MVB12A: variants seen among roughly 807,000 people sequenced by gnomAD.
MVB12A encodes the protein CIN85/CD2AP family binding protein.
Under a neutral mutation model 34.3 loss-of-function variants are expected in MVB12A, and 30 were observed. The observed-to-expected ratio is 0.88, with a 90% confidence interval of 0.65 to 1.19. The LOEUF is 1.19. Ranked by LOEUF, MVB12A falls within the 50% of genes most tolerant of loss-of-function variation. The pLI is 0.00. For synonymous variants in MVB12A, 158 were observed against 158.9 expected, an observed-to-expected ratio of 0.99 and a Z score of 0.04; for missense variants, 355 against 369.2, an observed-to-expected ratio of 0.96 and a Z score of 0.31.
upstream of MVB12A, among the ~76,000 whole-genome samples, chr19:17,416,021 GGGT>G (rs2074797620): frequency 6.6e-6 from 1 of 152,160 alleles, no homozygotes; most frequent in African/African-American, 2.4e-5. Flanking sequence ...CTGGGCTACT[GGGT>G]CGAGCTAACT....
upstream of MVB12A, among the ~76,000 whole-genome samples, chr19:17,416,412 CTT>C (rs555309319): frequency 2.0e-4 from 26 of 129,502 alleles, no homozygotes; most frequent in Middle Eastern, 4.7e-3. Context: ...GCCCAGCCTG[CTT>C]TTTTTTTTTT....
At chr19:17,411,905 G>A (rs112776287) in intron 2 of MVB12A, among the ~76,000 whole-genome samples, 9 of 152,352 alleles carry the variant, frequency 5.9e-5, no homozygotes, top group African/African-American at 1.9e-4. Context: ...CTGAGATGTG[G>A]CCCCGGATGG....
At chr19:17,423,956 G>T (rs1336166135) in intron 6 of MVB12A, 50 bp from the exon 7 acceptor site, 1 of 1,603,296 alleles carries the variant, frequency 6.2e-7, no homozygotes. Context: ...CTGTGGGTGG[G>T]GTGGGCAGTT....
intron 4 of MVB12A, 81 bp from the exon 5 acceptor site, chr19:17,423,417 T>TC: frequency 6.8e-7 from 1 of 1,468,924 alleles, no homozygotes; most frequent in Non-Finnish European, 9.1e-7. Flanking sequence ...CATGCCCGGG[T>TC]CCCCCGCCTT....
At chr19:17,406,569 T>C (rs767084458) in intron 2 of MVB12A, among the ~76,000 whole-genome samples, 1 of 151,712 alleles carries the variant, frequency 6.6e-6, no homozygotes, top group Non-Finnish European at 1.5e-5. Flanking sequence ...CGAGGTCAAG[T>C]CCAGAGCCCA....
chr19:17,420,667 G>C (rs1427585415), intron 3 of MVB12A, 33 bp downstream of exon 3: 2 of 1,514,190 alleles, frequency 1.3e-6, no homozygotes, highest in Non-Finnish European at 1.8e-6. Flanking sequence ...GAGTTGTCCG[G>C]GTCCCTTGCA....
At chr19:17,419,789 A>C, upstream of MVB12A, 2 of 175,204 alleles carry the variant, frequency 1.1e-5, no homozygotes, top group African/African-American at 2.4e-5. Flanking sequence ...GCCGGAAGGA[A>C]TTCTGGGGAA....
chr19:17,423,597 G>A lies in MVB12A; in HGVS notation c.513G>A (p.Leu171=), dbSNP rs750147079. ...GCCGGGACATGCAGGGCCTCTCTCT[G>A]GATGCAGCCAGCCAGCCAAGGTGAG... ...GLSRDMQGLS[L]DAASQPSKGG... is the part of the protein sequence containing the mutation. Residue 171 remains leucine (L), a synonymous_variant, in exon 5 of 9, where the codon CTG becomes CTA. Transcript: ENST00000317040. 1.2e-6 allele frequency: 2 copies of A among 1,614,020 alleles called. No homozygotes were observed. The highest frequency in any genetic ancestry group is 8.5e-7 in the Non-Finnish European group (1 of 1,180,036).
At chr19:17,414,986 C>T (rs192943889) in intron 2 of MVB12A, 2 of 152,338 alleles carry the variant, frequency 1.3e-5, no homozygotes, top group Admixed American at 1.3e-4. Flanking sequence ...TCCAGGAGTT[C>T]GAGACCAGCC....
chr19:17,423,748 C>T lies in MVB12A; in HGVS notation c.589C>T (p.Leu197=). 1 of 1,614,008 alleles carries T rather than the reference C, an allele frequency of 6.2e-7. No homozygotes were observed. The highest frequency in any genetic ancestry group is 1.7e-5 in the Admixed American group (1 of 60,022). ...ASRLGSRAST[L]RRNDSIYEAS... is the part of the protein sequence containing the mutation. ...AAGGCTGGGCTCTCGGGCATCCACTCTGCGGAGGAATGACTCCATCTACGA... is the reference window on the plus strand; with the variant it reads ...AAGGCTGGGCTCTCGGGCATCCACTTTGCGGAGGAATGACTCCATCTACGA... The change falls in exon 6 of 9, where the codon CTG becomes TTG. Residue 197 remains leucine (L), a synonymous_variant. Coordinates refer to ENST00000317040, the MANE Select transcript of MVB12A (RefSeq NM_138401.4).
rs112761815 is a variant in MVB12A, at chr19:17,412,261, T to A, written c.-5+5965T>A. 5.7e-3 allele frequency among the ~76,000 whole-genome samples: 873 copies of A among 152,194 alleles called. 7 individuals carry two copies. Among genetic ancestry groups the A allele is most frequent in the African/African-American group, 0.02 (825 of 41,522 alleles). On this transcript the variant is annotated intron_variant, in intron 2 of 6. Transcript: ENST00000528604. Reference sequence around the variant, plus strand: ...CTGCTTTTCTTTCTCTCTCTTTTGCTCTTTCTCTCTCTCTTTCTTTTTTGA... The same window carrying A: ...CTGCTTTTCTTTCTCTCTCTTTTGCACTTTCTCTCTCTCTTTCTTTTTTGA...
upstream of MVB12A, chr19:17,419,949 C>T: frequency 2.5e-6 from 1 of 404,766 alleles, no homozygotes; most frequent in Non-Finnish European, 4.3e-6. Context: ...GGCGAGGCTC[C>T]GCCTCCCCAC....
In MVB12A at chr19:17,425,053, C is replaced by T; in HGVS notation, c.*60C>T. ...CCACCTCCCCGCCAGCCTGGGGCCACCCCCCCTCACTGCATCCTGGGGCCA... is the reference window on the plus strand; with the variant it reads ...CCACCTCCCCGCCAGCCTGGGGCCATCCCCCCTCACTGCATCCTGGGGCCA... On this transcript the variant is annotated 3_prime_UTR_variant, in exon 9 of 9. Coordinates refer to ENST00000317040, the MANE Select transcript of MVB12A (RefSeq NM_138401.4). 1.2e-6 allele frequency: 1 copy of T among 813,230 alleles called. No individual in the cohort carries two copies. The highest frequency in any genetic ancestry group is 2.0e-6 in the Non-Finnish European group (1 of 506,064). 50.4% of individuals were successfully genotyped at this position (813,230 alleles called of 1,614,324 possible). A position where few individuals can be genotyped will look rare whatever the true frequency, so the allele number is the denominator to read the frequency against.
At chr19:17,418,451 G>A (rs1362289845), upstream of MVB12A, among the ~76,000 whole-genome samples, 2 of 150,380 alleles carry the variant, frequency 1.3e-5, no homozygotes, top group East Asian at 2.0e-4. Flanking sequence ...GGAGTGCAAT[G>A]GCGCGATCTC....
exon 2 of MVB12A, chr19:17,406,222 G>A (rs536345797): frequency 2.6e-5 from 4 of 152,128 alleles, no homozygotes; most frequent in African/African-American, 9.7e-5. Flanking sequence ...AAACAATGTC[G>A]GTCTCTGTCT....
chr19:17,408,702 C>T (rs1353038774), intron 2 of MVB12A, among the ~76,000 whole-genome samples: 2 of 151,196 alleles, frequency 1.3e-5, no homozygotes, highest in East Asian at 3.9e-4. Flanking sequence ...CTGACTCAGC[C>T]TCCCAAAGTG....
chr19:17,423,792 C>A lies in MVB12A; in HGVS notation c.633C>A (p.Gly211=), dbSNP rs1255596408. 2 of 1,613,660 alleles carry A rather than the reference C, an allele frequency of 1.2e-6. No individual in the cohort carries two copies. The highest frequency in any genetic ancestry group is 2.7e-5 in the African/African-American group (2 of 74,944). Residue 211 remains glycine, a synonymous_variant, in exon 6 of 9, where the codon GGC becomes GGA. Coordinates refer to ENST00000317040, the MANE Select transcript of MVB12A (RefSeq NM_138401.4). ...TCTACGAGGCCTCCAGCCTCTATGG[C>A]ATCTCAGGTGAGCACAGAGTGGGGA... ...DSIYEASSLY[G]ISAMDGVPFT...
At chr19:17,409,289 C>A (rs2145750383) in intron 2 of MVB12A, among the ~76,000 whole-genome samples, 1 of 151,616 alleles carries the variant, frequency 6.6e-6, no homozygotes, top group East Asian at 1.9e-4. Context: ...TGCCACCATG[C>A]CCAGCTACTT....
chr19:17,407,063 T>C (rs918130459), intron 2 of MVB12A, among the ~76,000 whole-genome samples: 4 of 152,130 alleles, frequency 2.6e-5, no homozygotes, highest in African/African-American at 7.2e-5. Context: ...ATTGCATGAA[T>C]TGCACATTGG....
Sources: allele counts gnomAD v4.1 joint callset (sites outside exome capture counted in the v4.1 genomes callset), GRCh38; gene constraint gnomAD v4.1.1; transcripts MANE v1.5; gene names NCBI Gene and HGNC (gene_info 2026-07-23, HGNC 2026-07-21).